Variants in MYO18B observed in about 807,000 individuals in gnomAD.
MYO18B encodes the protein unconventional myosin-XVIIIb.
In MYO18B, 204 loss-of-function variants were observed where a neutral mutation model predicts 273.0. That is an observed-to-expected ratio of 0.75 (90% CI 0.67 to 0.84). MYO18B has a LOEUF of 0.84. MYO18B is among the 40% of genes least tolerant of loss of function. MYO18B has a pLI of 0.00. For missense variants in MYO18B, 3,212 were observed against 3,287.6 expected (o/e 0.98, Z 0.56); for synonymous variants, 1,330 against 1,305.7 (o/e 1.02, Z -0.40).
Position 26,027,157 on chromosome 22 carries a change from G to C in MYO18B, c.7183G>C (p.Gly2395Arg), listed in dbSNP as rs780492546. ...TCTGGAGTCCTCTGTGGACGATGCGGGCTGTCCAGACCTTGGAAAGGAGCC... is the reference window on the plus strand; with the variant it reads ...TCTGGAGTCCTCTGTGGACGATGCGCGCTGTCCAGACCTTGGAAAGGAGCC... ...RCLESSVDDA[G>R]CPDLGKEPLV... The change falls in exon 43 of 44, where the codon GGC becomes CGC. Residue 2395 changes from glycine to arginine, a missense_variant. By Grantham distance (125) the Gly-to-Arg change is moderately radical. Coordinates refer to ENST00000335473, the MANE Select transcript of MYO18B (RefSeq NM_032608.7). This position sits in a 1 kb window ranked among gnomAD's most constrained non-coding sequence, Gnocchi z 4.1. The C allele has an allele frequency of 6.2e-6, 10 of 1,613,858 alleles. No homozygotes were observed. Among genetic ancestry groups the C allele is most frequent in the Non-Finnish European group, 8.5e-6 (10 of 1,179,892 alleles).
the MYO18B span, among the ~76,000 whole-genome samples, chr22:26,038,601 G>A: frequency 6.6e-6 from 1 of 152,142 alleles, no homozygotes; most frequent in Non-Finnish European, 1.5e-5. Flanking sequence ...TCCTGGCAGG[G>A]TGCACTTTAA....
At chr22:25,798,610 G>A (rs981739553) in intron 12 of MYO18B, among the ~76,000 whole-genome samples, 47 of 151,852 alleles carry the variant, frequency 3.1e-4, no homozygotes, top group Non-Finnish European at 4.6e-4. Context: ...GTTGTTCAGG[G>A]CAGTAGTGGT....
At chr22:26,056,528 G>C in the MYO18B span, among the ~76,000 whole-genome samples, 1 of 152,160 alleles carries the variant, frequency 6.6e-6, no homozygotes, top group South Asian at 2.1e-4. Context: ...CCAAGGTATG[G>C]CATCCTGTGA....
At chr22:25,808,785 A>G (rs1327202229) in intron 12 of MYO18B, among the ~76,000 whole-genome samples, 1 of 152,188 alleles carries the variant, frequency 6.6e-6, no homozygotes, top group Non-Finnish European at 1.5e-5. Flanking sequence ...TAAAGTGGGG[A>G]TAATCAGAGT....
intron 16 of MYO18B, among the ~76,000 whole-genome samples, chr22:25,833,477 A>G (rs989012651): frequency 2.0e-5 from 3 of 151,844 alleles, no homozygotes; most frequent in African/African-American, 7.3e-5. Flanking sequence ...TTTGAGGGAA[A>G]CTGAGTCTTT....
chr22:25,805,776 T>C (rs559594724), intron 12 of MYO18B, among the ~76,000 whole-genome samples: 23 of 152,264 alleles, frequency 1.5e-4, no homozygotes, highest in African/African-American at 5.5e-4. Context: ...CCAGTTTGAC[T>C]CTCTTGCTAT....
chr22:25,783,982 T>A lies in MYO18B; in HGVS notation c.2313-1446T>A, dbSNP rs1041524038. Reference sequence around the variant, plus strand: ...AAGCTTCCAAAGGTCAAAAACGGGTTCTCACTTGCACAAATGTCCTTTCTC... The same window carrying A: ...AAGCTTCCAAAGGTCAAAAACGGGTACTCACTTGCACAAATGTCCTTTCTC... On this transcript the variant is annotated intron_variant, in intron 10 of 43. Transcript: ENST00000335473. Among the ~76,000 whole-genome samples, 6 of 152,210 alleles carry A rather than the reference T, an allele frequency of 3.9e-5. No individual in the cohort carries two copies. The South Asian group carries it at 1.2e-3, about 32-fold the overall frequency.
chr22:25,907,376 C>T (rs1304450612), intron 31 of MYO18B, among the ~76,000 whole-genome samples: 2 of 152,230 alleles, frequency 1.3e-5, no homozygotes, highest in African/African-American at 4.8e-5. Context: ...AGACCCAGCT[C>T]ATTCATGGGA....
At chr22:25,885,681 G>A (rs1199548616) in intron 25 of MYO18B, among the ~76,000 whole-genome samples, 2 of 152,146 alleles carry the variant, frequency 1.3e-5, no homozygotes, top group African/African-American at 4.8e-5. Flanking sequence ...CTGAAGGGGA[G>A]GGCAGGACCA....
At chr22:26,035,305 A>G (rs908970363), downstream of MYO18B, among the ~76,000 whole-genome samples, 5 of 152,242 alleles carry the variant, frequency 3.3e-5, no homozygotes, top group Non-Finnish European at 5.9e-5. Flanking sequence ...CCAAACTGCA[A>G]CAAATGGAAA....
At chr22:25,965,770 T>A (rs2092971254) in intron 39 of MYO18B, among the ~76,000 whole-genome samples, 1 of 152,242 alleles carries the variant, frequency 6.6e-6, no homozygotes. Flanking sequence ...TATCATTTAA[T>A]CTTTAATAAT....
intron 9 of MYO18B, 44 bp downstream of exon 9, chr22:25,780,242 T>C: frequency 3.8e-6 from 6 of 1,570,172 alleles, no homozygotes; most frequent in Non-Finnish European, 5.2e-6. Context: ...TTGGGGCTGC[T>C]GTGTCTCTAA....
rs1569223382 is a variant in MYO18B, at chr22:25,947,537, CACA to C, written c.5632-174_5632-172del. On this transcript the variant is annotated intron_variant, in intron 35 of 43. Transcript: ENST00000335473. ...ACACACACACACACACACACACACACACACACCAAGCTGTTATACCTACCACAT... is the reference window on the plus strand; with the variant it reads ...ACACACACACACACACACACACACACCACCAAGCTGTTATACCTACCACAT... Among the ~76,000 whole-genome samples, 44 of 144,266 alleles carry C rather than the reference CACA, an allele frequency of 3.0e-4. No individual in the cohort carries two copies. In the East Asian group the frequency reaches 5.3e-3, roughly 17 times the overall value. 94.6% of individuals were successfully genotyped at this position (144,266 alleles called of 152,430 possible). A position where few individuals can be genotyped will look rare whatever the true frequency, so the allele number is the denominator to read the frequency against.
At chr22:25,950,315 A>C in intron 36 of MYO18B, 52 bp from the exon 37 acceptor site, 1 of 1,480,112 alleles carries the variant, frequency 6.8e-7, no homozygotes, top group Non-Finnish European at 9.2e-7. Context: ...TTTCCCAGCA[A>C]GGCTTGTGGA....
the MYO18B span, among the ~76,000 whole-genome samples, chr22:26,058,403 A>G: frequency 1.3e-5 from 2 of 152,340 alleles, no homozygotes; most frequent in Admixed American, 6.5e-5. Flanking sequence ...GTGTGAGTGC[A>G]TGAAGCTGAG....
At chr22:25,997,314 A>AAAAAAG (rs1933375794) in intron 40 of MYO18B, among the ~76,000 whole-genome samples, 1 of 148,698 alleles carries the variant, frequency 6.7e-6, no homozygotes, top group African/African-American at 2.5e-5. Flanking sequence ...CCAAAAAAAA[A>AAAAAAG]AAAAAAAAAA....
the MYO18B span, among the ~76,000 whole-genome samples, chr22:26,058,970 T>A: frequency 6.6e-6 from 1 of 152,238 alleles, no homozygotes; most frequent in Admixed American, 6.5e-5. Flanking sequence ...ATTAATTTGT[T>A]GCATATCAAC....
chr22:25,887,286 C>T lies in MYO18B; in HGVS notation c.4315-3470C>T, dbSNP rs138636785. On this transcript the variant is annotated intron_variant, in intron 25 of 43. Coordinates refer to ENST00000335473, the MANE Select transcript of MYO18B (RefSeq NM_032608.7). ...ATCCGTGAAGAACAAGCAACAGTGA[C>T]GGTCCCAAGGACCCCAGGTGTGTCC... 2.8e-3 allele frequency among the ~76,000 whole-genome samples: 422 copies of T among 152,298 alleles called. 4 individuals are homozygous for T. The highest frequency in any genetic ancestry group is 6.8e-3 in the African/African-American group (282 of 41,556).
the MYO18B span, among the ~76,000 whole-genome samples, chr22:26,047,276 G>A: frequency 6.6e-6 from 1 of 151,956 alleles, no homozygotes; most frequent in Non-Finnish European, 1.5e-5. Context: ...ACAGGCACCC[G>A]CCACCATGCC....
Sources: allele counts gnomAD v4.1 joint callset (sites outside exome capture counted in the v4.1 genomes callset), GRCh38; gene constraint gnomAD v4.1.1; non-coding constraint Gnocchi (gnomAD v3.1); transcripts MANE v1.5; gene names NCBI Gene and HGNC (gene_info 2026-07-23, HGNC 2026-07-21).